The following CSMD1 variants were observed in gnomAD, a reference collection of about 807,000 sequenced individuals.
CSMD1 encodes CUB and sushi domain-containing protein 1.
CSMD1 carries 213 observed loss-of-function variants against 417.5 expected under a neutral mutation model. The observed-to-expected ratio is 0.51, with a 90% CI of 0.46 to 0.57. CSMD1 has a LOEUF of 0.57. Ranked by LOEUF, CSMD1 falls within the 20% of genes least tolerant of loss-of-function variation. The probability of loss-of-function intolerance (pLI) is 0.00; values close to 1 mark genes in which losing one functional copy is unlikely to be tolerated. For synonymous variants in CSMD1, 2,862 were observed against 1,736.8 expected (o/e 1.65, Z -16.11); for missense variants, 6,923 against 4,529.7 (o/e 1.53, Z -15.17).
chr8:4,001,436 G>C lies in CSMD1; in HGVS notation c.611-3326C>G, dbSNP rs1426131155. 3.3e-5 allele frequency among the ~76,000 whole-genome samples: 5 copies of C among 152,198 alleles called. No homozygotes were observed. The East Asian group carries it at 5.8e-4, about 18-fold the overall frequency. ...TAGGGAGTTTGTAGGGCTCCGGGTA[G>C]TGGATATGAGTTAACTGGTAAAAGA... is the stretch of plus-strand genomic sequence containing the variant. On this transcript the variant is annotated intron_variant, in intron 4 of 69. Transcript: ENST00000635120.
At chr8:3,212,471 C>T (rs764039350) in intron 30 of CSMD1, among the ~76,000 whole-genome samples, 74 of 152,118 alleles carry the variant, frequency 4.9e-4, no homozygotes, top group Non-Finnish European at 9.8e-4. Flanking sequence ...ACCTCATCCT[C>T]CCAAGCAGCT....
At chr8:3,109,236 G>C (rs1461321775) in intron 43 of CSMD1, among the ~76,000 whole-genome samples, 1 of 152,162 alleles carries the variant, frequency 6.6e-6, no homozygotes, top group Non-Finnish European at 1.5e-5. Context: ...CTGCACTCCA[G>C]CTGTGCGACA....
intron 1 of CSMD1, among the ~76,000 whole-genome samples, chr8:4,868,150 T>G (rs1162733354): frequency 6.6e-6 from 1 of 152,082 alleles, no homozygotes; most frequent in Non-Finnish European, 1.5e-5. Flanking sequence ...AAATAATGGG[T>G]TGATGGGAGA....
intron 1 of CSMD1, among the ~76,000 whole-genome samples, chr8:4,929,637 A>G (rs966851173): frequency 6.6e-6 from 1 of 152,138 alleles, no homozygotes; most frequent in African/African-American, 2.4e-5. Flanking sequence ...TTTTCATCTG[A>G]TTCAATTAAC....
intron 2 of CSMD1, among the ~76,000 whole-genome samples, chr8:4,590,379 A>C (rs1799924995): frequency 6.6e-6 from 1 of 152,180 alleles, no homozygotes; most frequent in South Asian, 2.1e-4. Flanking sequence ...CTCAATCAAC[A>C]TGCGAAGATA....
Position 3,960,158 on chromosome 8 carries a change from G to A in CSMD1, c.818+37745C>T, listed in dbSNP as rs540095886. Among the ~76,000 whole-genome samples the A allele has an allele frequency of 2.4e-4, 36 of 152,186 alleles. 1 individual carries two copies. In the South Asian group the frequency reaches 5.2e-3, roughly 22 times the overall value. ...GAAACTTACAGACATTTTTTACAGC[G>A]TATCTTCTTGTATGTTGCCTTTACT... On this transcript the variant is annotated intron_variant, in intron 5 of 69. Transcript: ENST00000635120.
At chr8:3,351,765 T>TATA (rs34905743) in intron 21 of CSMD1, among the ~76,000 whole-genome samples, 94,599 of 147,662 alleles carry the variant, frequency 0.64, 30,383 homozygotes, top group Middle Eastern at 0.72. Context: ...ATATTAAATG[T>TATA]ATAATATATA....
chr8:4,356,735 G>T (rs1010233110), intron 3 of CSMD1, among the ~76,000 whole-genome samples: 11 of 152,070 alleles, frequency 7.2e-5, no homozygotes, highest in African/African-American at 2.7e-4. Flanking sequence ...TACAGTGAGG[G>T]CACCTTCTCC....
intron 52 of CSMD1, among the ~76,000 whole-genome samples, chr8:3,007,312 CACTGTTGGTGGG>C (rs1808013270): frequency 6.6e-6 from 1 of 151,824 alleles, no homozygotes; most frequent in Non-Finnish European, 1.5e-5. Context: ...AGGAACACTA[CACTGTTGGTGGG>C]ACTGTAAACT....
chr8:3,207,350 G>C lies in CSMD1; in HGVS notation c.4868-1730C>G, dbSNP rs904245458. ...TTTCATCTTTAATAGATATGATGTT[G>C]GTCAGGCTGGTCTCGAACTCCTGAC... On this transcript the variant is annotated intron_variant, in intron 30 of 69. Transcript: ENST00000635120. Among the ~76,000 whole-genome samples the C allele has an allele frequency of 6.7e-5, 10 of 149,294 alleles. No homozygotes were observed. The East Asian group carries it at 2.0e-3, about 30-fold the overall frequency.
At chr8:3,785,631 T>A (rs1231182801) in intron 5 of CSMD1, among the ~76,000 whole-genome samples, 1 of 152,196 alleles carries the variant, frequency 6.6e-6, no homozygotes, top group Non-Finnish European at 1.5e-5. Context: ...CAAGTTACCA[T>A]CGAGTGTTTA....
At chr8:4,286,437 T>C (rs1797059446) in intron 3 of CSMD1, among the ~76,000 whole-genome samples, 1 of 152,094 alleles carries the variant, frequency 6.6e-6, no homozygotes, top group Non-Finnish European at 1.5e-5. Flanking sequence ...GGAGAGTATG[T>C]TTAGTCGGTT....
At chr8:3,125,377 CCTT>C (rs1554433165) in intron 41 of CSMD1, among the ~76,000 whole-genome samples, 1 of 152,208 alleles carries the variant, frequency 6.6e-6, no homozygotes, top group Non-Finnish European at 1.5e-5. Flanking sequence ...TCACGCATGG[CCTT>C]CTTGCTCTGT....
At chr8:3,340,409 A>G (rs888813543) in intron 23 of CSMD1, among the ~76,000 whole-genome samples, 2 of 152,104 alleles carry the variant, frequency 1.3e-5, no homozygotes, top group Non-Finnish European at 2.9e-5. Context: ...TAAGCTATAT[A>G]TTTTACTCTC....
Position 4,991,533 on chromosome 8 carries a change from G to A in CSMD1, c.85+2799C>T, listed in dbSNP as rs534972408. On this transcript the variant is annotated intron_variant, in intron 1 of 69. Transcript: ENST00000635120. ...ACTCTGCGCCTGCCTTCGCCACAGC[G>A]GGAGCCGCCACCCGGGCGCGCGCGG... is the stretch of plus-strand genomic sequence containing the variant. Among the ~76,000 whole-genome samples, 19 of 152,264 alleles carry A rather than the reference G, an allele frequency of 1.2e-4. No homozygotes were observed. The South Asian group carries it at 3.5e-3, about 28-fold the overall frequency.
chr8:4,169,755 G>C lies in CSMD1; in HGVS notation c.416-137656C>G, dbSNP rs535542713. ...TGTGGAGGTTCAAACGCCCCCTTGAGGACTATTCATGGGATGCTTCTTTAC... is the reference window on the plus strand; with the variant it reads ...TGTGGAGGTTCAAACGCCCCCTTGACGACTATTCATGGGATGCTTCTTTAC... On this transcript the variant is annotated intron_variant, in intron 3 of 69. Transcript: ENST00000635120. Among the ~76,000 whole-genome samples, 12 of 152,248 alleles carry C rather than the reference G, an allele frequency of 7.9e-5. No homozygotes were observed. The South Asian group carries it at 2.5e-3, about 32-fold the overall frequency.
At position 4,415,711 on chromosome 8, in the gene CSMD1, G is replaced by C. The variant is rs527834731; in HGVS notation, c.415+4242C>G. Among the ~76,000 whole-genome samples, 6 of 152,318 alleles carry C rather than the reference G, an allele frequency of 3.9e-5. 1 individual carries two copies. The highest frequency in any genetic ancestry group is 1.4e-4 in the African/African-American group (6 of 41,568). ...CCGTGAATGCTGATTAAATAAATGA[G>C]AGAAGAAATGAATGAGCAAATCTGT... On this transcript the variant is annotated intron_variant, in intron 3 of 69. Coordinates refer to ENST00000635120, the MANE Select transcript of CSMD1 (RefSeq NM_033225.6).
intron 7 of CSMD1, among the ~76,000 whole-genome samples, chr8:3,706,366 A>G (rs916782598): frequency 6.6e-6 from 1 of 152,244 alleles, no homozygotes; most frequent in Non-Finnish European, 1.5e-5. Flanking sequence ...TCATCAGTGA[A>G]ACAATTTCAT....
chr8:4,172,644 G>T (rs1394490), intron 3 of CSMD1, among the ~76,000 whole-genome samples: 88,607 of 152,040 alleles, frequency 0.58, 27,303 homozygotes, highest in African/African-American at 0.78. Context: ...GAACTCCTGC[G>T]GTCCTCCCTT....
Sources: gnomAD v4.1 joint callset for allele counts (sites outside exome capture counted in the v4.1 genomes callset) on GRCh38, gnomAD v4.1.1 for gene constraint, MANE v1.5 for transcripts, NCBI Gene and HGNC (gene_info 2026-07-23, HGNC 2026-07-21) for gene names.